PICALM: variants seen among roughly 807,000 people sequenced by gnomAD.
PICALM encodes the protein phosphatidylinositol-binding clathrin assembly protein.
PICALM carries 40 observed loss-of-function variants against 80.5 expected under a neutral mutation model. The observed-to-expected ratio is 0.50, with a 90% CI of 0.39 to 0.65. PICALM has a LOEUF of 0.65. PICALM is among the 30% of genes least tolerant of loss of function. The pLI is 0.00. For missense variants in PICALM, 676 were observed against 778.9 expected (o/e 0.87, Z 1.57); for synonymous variants, 288 against 260.3 (o/e 1.11, Z -1.02).
chr11:86,009,527 A>G (rs2095353574), intron 7 of PICALM, among the ~76,000 whole-genome samples: 1 of 151,794 alleles, frequency 6.6e-6, no homozygotes, highest in African/African-American at 2.4e-5. Flanking sequence ...CCCCGTCTCT[A>G]CTAAAAATAC....
intron 1 of PICALM, among the ~76,000 whole-genome samples, chr11:86,038,912 C>A (rs886824946): frequency 1.3e-5 from 2 of 151,982 alleles, no homozygotes; most frequent in African/African-American, 2.4e-5. Flanking sequence ...GAGTTTGAGA[C>A]CAGCCTGGCC....
At chr11:86,037,255 G>A (rs7101740) in intron 1 of PICALM, among the ~76,000 whole-genome samples, 87,409 of 123,910 alleles carry the variant, frequency 0.71, 31,187 homozygotes, top group African/African-American at 0.85. Context: ...AAAAAAAAAA[G>A]AAAATTTTTT....
Position 85,958,499 on chromosome 11 carries a change from T to A in PICALM, c.*547A>T, listed in dbSNP as rs1005317674. On this transcript the variant is annotated 3_prime_UTR_variant, in exon 20 of 20. Coordinates refer to ENST00000393346, the MANE Select transcript of PICALM (RefSeq NM_007166.4). ...GTTATGTAAAATTGATAATCATAAA[T>A]AAATACAAATACTTAAGGAATGTCT... is the stretch of plus-strand genomic sequence containing the variant. The A allele has an allele frequency of 9.6e-6, 2 of 208,754 alleles. No individual in the cohort carries two copies. The highest frequency in any genetic ancestry group is 2.0e-5 in the Non-Finnish European group (2 of 102,398). 12.9% of individuals were successfully genotyped at this position (208,754 alleles called of 1,614,324 possible). A position where few individuals can be genotyped will look rare whatever the true frequency, so the allele number is the denominator to read the frequency against.
chr11:85,990,128 T>C, intron 13 of PICALM, 122 bp downstream of exon 13: 2 of 504,288 alleles, frequency 4.0e-6, no homozygotes, highest in Non-Finnish European at 6.6e-6. Flanking sequence ...TGGTTAGTTT[T>C]AGAATTTGAT....
At chr11:85,964,658 T>C (rs925665995) in intron 19 of PICALM, among the ~76,000 whole-genome samples, 6 of 142,078 alleles carry the variant, frequency 4.2e-5, no homozygotes, top group African/African-American at 1.6e-4. Context: ...GCCTCTGTGT[T>C]GTTCTTGCTC....
At position 86,007,564 on chromosome 11, in the gene PICALM, C is replaced by T; in HGVS notation, c.785G>A (p.Gly262Asp). The change falls in exon 8 of 20, where the codon GGT (glycine) becomes GAT (aspartate). Residue 262 changes from glycine to aspartate, a missense_variant. By Grantham distance (94) the Gly-to-Asp change is moderately conservative. Around this residue, in one of 2 missense-constraint regions of PICALM, gnomAD observed 285 missense variants for 395.4 expected, o/e 0.72. Coordinates refer to ENST00000393346, the MANE Select transcript of PICALM (RefSeq NM_007166.4). ...TACCTGTGAAAGGTCTGGTATATCACCTCTGTCAATTCCAACTTGCTGTAA... is the reference window on the plus strand; with the variant it reads ...TACCTGTGAAAGGTCTGGTATATCATCTCTGTCAATTCCAACTTGCTGTAA... ...KVAEQVGIDR[G>D]DIPDLSQAPS... 6.7e-7 allele frequency: 1 copy of T among 1,494,830 alleles called. No individual in the cohort carries two copies. Among genetic ancestry groups the T allele is most frequent in the Non-Finnish European group, 9.2e-7 (1 of 1,082,186 alleles). The allele number at this position is 1,494,830 out of a possible 1,614,324, so 92.6% of individuals were successfully genotyped here.
chr11:85,974,627 C>T (rs1325854738), intron 19 of PICALM, 81 bp downstream of exon 19: 3 of 912,550 alleles, frequency 3.3e-6, no homozygotes, highest in Non-Finnish European at 5.5e-6. Context: ...ACTTGTTTCT[C>T]AAGTTGTACA....
intron 4 of PICALM, among the ~76,000 whole-genome samples, chr11:86,016,126 C>T (rs2095477750): frequency 6.6e-6 from 1 of 152,210 alleles, no homozygotes; most frequent in South Asian, 2.1e-4. Context: ...ACTCTTCTTA[C>T]TGATGTCATT....
In PICALM at chr11:86,056,336, A is replaced by C. The variant is rs80189297; in HGVS notation, c.130+12315T>G. Among the ~76,000 whole-genome samples, 221 of 150,592 alleles carry C rather than the reference A, an allele frequency of 1.5e-3. 3 individuals are homozygous for C. In the East Asian group the frequency reaches 0.04, roughly 27 times the overall value. On this transcript the variant is annotated intron_variant, in intron 1 of 19. Coordinates refer to ENST00000393346, the MANE Select transcript of PICALM (RefSeq NM_007166.4). ...CAGAATACATAAAGATCAAATTTTA[A>C]AACAGGCAAAAGACCTTGAATAGAT...
intron 7 of PICALM, among the ~76,000 whole-genome samples, chr11:86,010,570 C>A (rs1459885168): frequency 6.6e-6 from 1 of 152,160 alleles, no homozygotes; most frequent in South Asian, 2.1e-4. Flanking sequence ...GATCCACCCA[C>A]CTCAGCTTCC....
At chr11:86,036,636 T>C (rs1411351442) in intron 1 of PICALM, among the ~76,000 whole-genome samples, 2 of 152,152 alleles carry the variant, frequency 1.3e-5, no homozygotes, top group Non-Finnish European at 1.5e-5. Flanking sequence ...TAAGTGGACA[T>C]ATCCAAGAGT....
intron 19 of PICALM, among the ~76,000 whole-genome samples, chr11:85,966,669 C>T (rs1162122978): frequency 1.3e-5 from 2 of 152,100 alleles, no homozygotes; most frequent in Admixed American, 6.6e-5. Context: ...ATAAATTTGA[C>T]CCTACTTGGA....
rs941329813 is a variant in PICALM, at chr11:86,008,959, A to C, written c.766-1376T>G. Among the ~76,000 whole-genome samples, 5 of 151,232 alleles carry C rather than the reference A, an allele frequency of 3.3e-5. No homozygotes were observed. In the South Asian group the frequency reaches 6.2e-4, roughly 19 times the overall value. ...AAGGAAAAAAAAAAAAGCCAAAAAA[A>C]AAAAAAAAGAAAAAAAGCGTAAGGT... is the stretch of plus-strand genomic sequence containing the variant. On this transcript the variant is annotated intron_variant, in intron 7 of 19. Transcript: ENST00000393346.
At chr11:85,967,806 C>T (rs35474298) in intron 19 of PICALM, among the ~76,000 whole-genome samples, 1 of 152,158 alleles carries the variant, frequency 6.6e-6, no homozygotes, top group Non-Finnish European at 1.5e-5. Context: ...AAGGCTTTTT[C>T]TAAGACTTAA....
intron 1 of PICALM, among the ~76,000 whole-genome samples, chr11:86,059,888 A>G (rs2096330945): frequency 6.6e-6 from 1 of 151,682 alleles, no homozygotes. Flanking sequence ...AAAAAGAGAG[A>G]GGACAAATAA....
intron 1 of PICALM, among the ~76,000 whole-genome samples, chr11:86,033,066 A>G (rs562177001): frequency 6.6e-6 from 1 of 152,346 alleles, no homozygotes; most frequent in South Asian, 2.1e-4. Flanking sequence ...AACAAAAATG[A>G]AACAGTAAAT....
intron 7 of PICALM, among the ~76,000 whole-genome samples, chr11:86,009,292 CAAAAAAAAAAAAAAA>C (rs10557244): frequency 6.5e-4 from 27 of 41,644 alleles, no homozygotes; most frequent in Admixed American, 9.1e-4. Context: ...GTCTCTGTCT[CAAAAAAAAAAAAAAA>C]AAAAAAAAAA....
intron 13 of PICALM, among the ~76,000 whole-genome samples, chr11:85,986,749 A>G (rs1420638097): frequency 6.6e-6 from 1 of 152,220 alleles, no homozygotes; most frequent in Non-Finnish European, 1.5e-5. Flanking sequence ...TAGTATCACT[A>G]TTCTAAAAGA....
At chr11:85,999,886 C>T (rs1232349482) in intron 11 of PICALM, among the ~76,000 whole-genome samples, 2 of 152,244 alleles carry the variant, frequency 1.3e-5, no homozygotes, top group Non-Finnish European at 2.9e-5. Context: ...GCCCCACCTA[C>T]TGAATCAAAA....
Sources: allele counts gnomAD v4.1 joint callset (sites outside exome capture counted in the v4.1 genomes callset), GRCh38; gene constraint gnomAD v4.1.1; regional missense constraint gnomAD v4.1.1; transcripts MANE v1.5; gene names NCBI Gene and HGNC (gene_info 2026-07-23, HGNC 2026-07-21).